Variants in MAPK10 observed in about 807,000 individuals in gnomAD.
MAPK10 encodes the protein mitogen-activated protein kinase 10.
Under a neutral mutation model 59.3 loss-of-function variants are expected in MAPK10, and 25 were observed. The observed-to-expected ratio is 0.42, with a 90% CI of 0.31 to 0.59. The LOEUF (loss-of-function observed/expected upper bound fraction) is 0.59, where lower values mean the gene tolerates loss of function less well. Ranked by LOEUF, MAPK10 falls within the 20% of genes least tolerant of loss-of-function variation. MAPK10 has a pLI of 0.15. For missense variants in MAPK10, 351 were observed against 568.9 expected, an observed-to-expected ratio of 0.62 and a Z score of 3.90; for synonymous variants, 190 against 200.5, an observed-to-expected ratio of 0.95 and a Z score of 0.44.
chr4:86,579,641 GCCA>G lies in MAPK10; in HGVS notation c.-263+14266_-263+14268del, dbSNP rs561384743. ...ATACAATTTAATATAGCAAAGTCTG[GCCA>G]CCTTGAAGATACTTATCATTTAACA... is the stretch of plus-strand genomic sequence containing the variant. On this transcript the variant is annotated intron_variant, in intron 1 of 4. Coordinates refer to the MAPK10 transcript ENST00000502302. 2.0e-5 allele frequency among the ~76,000 whole-genome samples: 3 copies of G among 151,730 alleles called. No individual in the cohort carries two copies. In the South Asian group the frequency reaches 6.3e-4, roughly 32 times the overall value.
intron 1 of MAPK10, among the ~76,000 whole-genome samples, chr4:86,502,115 G>A (rs1352508368): frequency 6.6e-6 from 1 of 151,956 alleles, no homozygotes; most frequent in Non-Finnish European, 1.5e-5. Flanking sequence ...GAAATATTCT[G>A]AAACCATTTT....
intron 9 of MAPK10, among the ~76,000 whole-genome samples, chr4:86,091,711 GT>G (rs2053223549): frequency 6.6e-6 from 1 of 150,840 alleles, no homozygotes; most frequent in South Asian, 2.1e-4. Flanking sequence ...GTCTAGCTCT[GT>G]CACTAGACTG....
intron 1 of MAPK10, among the ~76,000 whole-genome samples, chr4:86,532,237 A>G (rs370122694): frequency 6.6e-6 from 1 of 152,060 alleles, no homozygotes; most frequent in East Asian, 1.9e-4. Flanking sequence ...AAGGGACACT[A>G]TCTTTAAAGT....
At chr4:86,244,534 T>G (rs2092951983) in intron 2 of MAPK10, among the ~76,000 whole-genome samples, 1 of 152,192 alleles carries the variant, frequency 6.6e-6, no homozygotes, top group Non-Finnish European at 1.5e-5. Context: ...GTGTTTCAGT[T>G]CAAAACAGTT....
At chr4:86,487,495 C>G (rs895035719) in intron 1 of MAPK10, among the ~76,000 whole-genome samples, 2 of 151,698 alleles carry the variant, frequency 1.3e-5, no homozygotes, top group Admixed American at 1.3e-4. Flanking sequence ...TTTGGGAGGC[C>G]GAGGTGAGTG....
At chr4:86,292,882 C>T (rs2095265383) in intron 2 of MAPK10, among the ~76,000 whole-genome samples, 1 of 152,144 alleles carries the variant, frequency 6.6e-6, no homozygotes, top group Non-Finnish European at 1.5e-5. Context: ...ACTATTTTTG[C>T]ATAACTCATT....
At chr4:86,503,067 G>T (rs916696771) in intron 1 of MAPK10, among the ~76,000 whole-genome samples, 1 of 152,030 alleles carries the variant, frequency 6.6e-6, no homozygotes, top group African/African-American at 2.4e-5. Context: ...ATAATTTAAA[G>T]GTGAGTTATG....
At chr4:86,528,690 G>T (rs1757652856) in intron 1 of MAPK10, among the ~76,000 whole-genome samples, 2 of 152,130 alleles carry the variant, frequency 1.3e-5, no homozygotes, top group Non-Finnish European at 2.9e-5. Context: ...CTAGAGGCAT[G>T]TACCACCACA....
intron 2 of MAPK10, among the ~76,000 whole-genome samples, chr4:86,252,374 T>G (rs2093487724): frequency 9.0e-6 from 1 of 111,124 alleles, no homozygotes; most frequent in South Asian, 2.9e-4. Flanking sequence ...GGGATCCAGT[T>G]TCAGCTTTCT....
intron 2 of MAPK10, among the ~76,000 whole-genome samples, chr4:86,330,893 A>G (rs1452704834): frequency 6.6e-6 from 1 of 152,242 alleles, no homozygotes; most frequent in Non-Finnish European, 1.5e-5. Context: ...TATGTTCAAC[A>G]TACTTGTTGG....
At chr4:86,261,535 T>C (rs1200775693) in intron 2 of MAPK10, among the ~76,000 whole-genome samples, 1 of 152,242 alleles carries the variant, frequency 6.6e-6, no homozygotes, top group South Asian at 2.1e-4. Context: ...ATTCACTTTC[T>C]AGATCTATTC....
chr4:86,521,299 T>C (rs185209995), intron 1 of MAPK10, among the ~76,000 whole-genome samples: 2 of 152,308 alleles, frequency 1.3e-5, no homozygotes, highest in African/African-American at 2.4e-5. Flanking sequence ...TCTTACCCTA[T>C]GTTGGCCAGA....
intron 1 of MAPK10, among the ~76,000 whole-genome samples, chr4:86,395,325 T>C (rs550191977): frequency 6.6e-6 from 1 of 152,370 alleles, no homozygotes; most frequent in South Asian, 2.1e-4. Flanking sequence ...AGCTATAAAA[T>C]AAACATTTTC....
chr4:86,170,487 A>G (rs1286493529), intron 3 of MAPK10, among the ~76,000 whole-genome samples: 1 of 152,198 alleles, frequency 6.6e-6, no homozygotes, highest in African/African-American at 2.4e-5. Context: ...AGGCCATTAC[A>G]TAATGGTAAA....
At chr4:86,335,771 CAA>C (rs1486658047) in intron 2 of MAPK10, among the ~76,000 whole-genome samples, 1 of 152,100 alleles carries the variant, frequency 6.6e-6, no homozygotes, top group Non-Finnish European at 1.5e-5. Context: ...CACATGGCGG[CAA>C]GAGAGAGAAG....
chr4:86,544,701 T>C (rs969440666), intron 1 of MAPK10, among the ~76,000 whole-genome samples: 4 of 152,358 alleles, frequency 2.6e-5, no homozygotes, highest in African/African-American at 9.6e-5. Flanking sequence ...CCAATGTGGA[T>C]TTCTGTTAGT....
At chr4:86,177,658 T>G (rs1028149274) in intron 3 of MAPK10, among the ~76,000 whole-genome samples, 3 of 152,042 alleles carry the variant, frequency 2.0e-5, no homozygotes, top group Non-Finnish European at 4.4e-5. Flanking sequence ...AATCGCTCCA[T>G]GGACACTCCA....
intron 4 of MAPK10, among the ~76,000 whole-genome samples, chr4:86,115,294 T>C (rs1031834401): frequency 1.3e-5 from 2 of 152,130 alleles, no homozygotes; most frequent in South Asian, 4.1e-4. Context: ...GTGTGGGAGT[T>C]CCCCTTATCC....
At chr4:86,342,915 A>G (rs900740847) in intron 2 of MAPK10, among the ~76,000 whole-genome samples, 10 of 152,120 alleles carry the variant, frequency 6.6e-5, no homozygotes, top group Non-Finnish European at 1.2e-4. Context: ...ATTTTCTTAA[A>G]CCAGTTTAGA....
Sources: allele counts gnomAD v4.1 joint callset (sites outside exome capture counted in the v4.1 genomes callset), GRCh38; gene constraint gnomAD v4.1.1; transcripts MANE v1.5; gene names NCBI Gene and HGNC (gene_info 2026-07-23, HGNC 2026-07-21).